The following FCER2 variants were observed in gnomAD, a reference collection of about 807,000 sequenced individuals.
FCER2 encodes Fc epsilon receptor II, also known as low affinity immunoglobulin epsilon Fc receptor.
FCER2 carries 38 observed loss-of-function variants against 49.7 expected under a neutral mutation model. The ratio of observed to expected loss-of-function variants is 0.76; its 90% CI spans 0.59 to 1.00. FCER2 has a LOEUF of 1.00. FCER2 is among the 50% of genes least tolerant of loss of function. The probability of loss-of-function intolerance (pLI) is 0.00; values close to 1 mark genes in which losing one functional copy is unlikely to be tolerated. For synonymous variants in FCER2, 163 were observed against 164.6 expected (o/e 0.99, Z 0.07); for missense variants, 425 against 419.5 (o/e 1.01, Z -0.11).
chr19:7,691,504 C>T, intron 8 of FCER2, among the ~76,000 whole-genome samples: 1 of 151,928 alleles, frequency 6.6e-6, no homozygotes, highest in African/African-American at 2.4e-5. Context: ...TGGCTAGCAA[C>T]ACTTCAATCA....
intron 6 of FCER2, 63 bp from the exon 7 acceptor site, chr19:7,697,138 C>A: frequency 6.2e-7 from 1 of 1,606,984 alleles, no homozygotes; most frequent in Non-Finnish European, 8.5e-7. Flanking sequence ...AGGGTGCCCC[C>A]CAAGCCTGGC....
intron 2 of FCER2, chr19:7,699,450 T>G: frequency 6.8e-7 from 1 of 1,473,918 alleles, no homozygotes. Context: ...CTGACTCTAT[T>G]GGGCTCCCCG....
At chr19:7,701,927 C>T (rs1051254610) in intron 1 of FCER2, 88 bp downstream of exon 1, 1 of 138,308 alleles carries the variant, frequency 7.2e-6, no homozygotes, top group African/African-American at 2.6e-5. Flanking sequence ...TGCTGGTCAT[C>T]CCTTGAGGCT....
At chr19:7,697,446 G>T in intron 5 of FCER2, 81 bp downstream of exon 5, 1 of 1,486,174 alleles carries the variant, frequency 6.7e-7, no homozygotes, top group Middle Eastern at 1.7e-4. Flanking sequence ...GGCACAGTGA[G>T]TCTTAATGCT....
At chr19:7,701,635 A>C (rs1334587495) in intron 1 of FCER2, among the ~76,000 whole-genome samples, 1 of 151,870 alleles carries the variant, frequency 6.6e-6, no homozygotes, top group African/African-American at 2.4e-5. Context: ...CTGGAGACAT[A>C]ATCTCATGGT....
At chr19:7,698,546 C>T (rs1203633788) in intron 3 of FCER2, 137 bp from the exon 4 acceptor site, 9 of 885,930 alleles carry the variant, frequency 1.0e-5, no homozygotes, top group Non-Finnish European at 1.4e-5. Context: ...GACAGGGATG[C>T]TGGGTGTGGG....
chr19:7,690,184 C>G lies in FCER2; in HGVS notation c.703G>C (p.Val235Leu). The G allele has an allele frequency of 1.2e-6, 2 of 1,613,396 alleles. No homozygotes were observed. The highest frequency in any genetic ancestry group is 1.7e-6 in the Non-Finnish European group (2 of 1,179,332). Residue 235 changes from valine (V) to leucine (L), a missense_variant, in exon 10 of 11, where the codon GTG (valine) becomes CTG (leucine). Physicochemically the swap from Val to Leu is conservative, Grantham distance 32. Transcript: ENST00000597921. Reference sequence around the variant, plus strand: ...CTGTAGTCCACGTGGCTCCCATCCACCCAGATAAACTCCCCCTTCAGGTCC... The same window carrying G: ...CTGTAGTCCACGTGGCTCCCATCCAGCCAGATAAACTCCCCCTTCAGGTCC... ...NLDLKGEFIW[V>L]DGSHVDYSNW...
At chr19:7,690,909 G>C (rs72486373) in intron 8 of FCER2, among the ~76,000 whole-genome samples, 14,093 of 151,800 alleles carry the variant, frequency 0.093, 884 homozygotes, top group East Asian at 0.21. Context: ...GTCCAATATG[G>C]TCAACACCAT....
chr19:7,698,417 G>C lies in FCER2; in HGVS notation c.137-8C>G, dbSNP rs367682203. 4.2e-5 allele frequency: 67 copies of C among 1,608,566 alleles called. No individual in the cohort carries two copies. In the African/African-American group the frequency reaches 5.2e-4, roughly 13 times the overall value. Reference sequence around the variant, plus strand: ...TCTGTGTGGTGTCCCAGTCTGGGGAGGGGGAGAGAAGAGGAGTGGAGAGGG... The same window carrying C: ...TCTGTGTGGTGTCCCAGTCTGGGGACGGGGAGAGAAGAGGAGTGGAGAGGG... On this transcript the variant is annotated splice_region_variant and splice_polypyrimidine_tract_variant and intron_variant, in intron 3 of 10. Transcript: ENST00000597921.
intron 3 of FCER2, 141 bp downstream of exon 3, chr19:7,698,600 G>A (rs1295739485): frequency 2.6e-6 from 3 of 1,166,150 alleles, no homozygotes; most frequent in African/African-American, 1.5e-5. Flanking sequence ...GGCTGGCAGT[G>A]GCAAGATGGG....
chr19:7,698,466 C>T, intron 3 of FCER2, 57 bp from the exon 4 acceptor site: 2 of 1,364,678 alleles, frequency 1.5e-6, no homozygotes, highest in Non-Finnish European at 2.1e-6. Context: ...CCCCCACCTG[C>T]CTGCACCCCA....
rs2033040849 is a variant in FCER2, at chr19:7,697,276, C to G, written c.276G>C (p.Leu92=). Residue 92 remains leucine (L), a synonymous_variant, in exon 6 of 11, where the codon CTG becomes CTC. Coordinates refer to ENST00000597921, the MANE Select transcript of FCER2 (RefSeq NM_001220500.2). ...TCTGCTGTTCAGCTCGAAGTTCCTC[C>G]AGTTCCTGTGAAATCTGCGTGGCTG... ...KSQSTQISQE[L]EELRAEQQRL... 6.2e-7 allele frequency: 1 copy of G among 1,614,098 alleles called. No individual in the cohort carries two copies. Among genetic ancestry groups the G allele is most frequent in the South Asian group, 1.1e-5 (1 of 91,090 alleles).
rs2033048707 is a variant in FCER2, at chr19:7,697,517, A to G, written c.253+10T>C. On this transcript the variant is annotated intron_variant, in intron 5 of 10. Transcript: ENST00000597921. ...TTTCCCCTGCAACCCCAACTCCAGG[A>G]GTCACTCACACTGGGATTTCTGCGC... 6.2e-7 allele frequency: 1 copy of G among 1,611,960 alleles called. No homozygotes were observed. Among genetic ancestry groups the G allele is most frequent in the African/African-American group, 1.3e-5 (1 of 74,760 alleles).
intron 8 of FCER2, among the ~76,000 whole-genome samples, chr19:7,692,086 A>G (rs1261095674): frequency 6.6e-6 from 1 of 151,096 alleles, no homozygotes; most frequent in Non-Finnish European, 1.5e-5. Context: ...ATGTCCAACA[A>G]CACATCAACT....
chr19:7,690,498 A>G lies in FCER2; in HGVS notation c.529T>C (p.Phe177Leu). The stretch of plus-strand genomic sequence containing the variant: ...ACCCACTGCTTGGTGCCCTTGCCGA[A>G]GTAGTAGCACTTCCGTTGGAAATTG... ...WINFQRKCYY[F>L]GKGTKQWVHA... Residue 177 changes from phenylalanine (F) to leucine (L), a missense_variant, in exon 9 of 11, where the codon TTC (phenylalanine) becomes CTC (leucine). Transcript: ENST00000597921. 1.2e-6 allele frequency: 2 copies of G among 1,614,138 alleles called. No homozygotes were observed. Among genetic ancestry groups the G allele is most frequent in the Non-Finnish European group, 1.7e-6 (2 of 1,180,002 alleles).
intron 2 of FCER2, 80 bp from the exon 3 acceptor site, chr19:7,698,934 C>T (rs2033091849): frequency 2.8e-6 from 4 of 1,438,350 alleles, no homozygotes; most frequent in Non-Finnish European, 3.8e-6. Context: ...TTACCCAGAG[C>T]CCCCGACAGC....
chr19:7,695,510 T>TCATGC (rs2032986883), intron 8 of FCER2, among the ~76,000 whole-genome samples: 2 of 152,196 alleles, frequency 1.3e-5, no homozygotes, highest in South Asian at 4.1e-4. Context: ...GCAAGATGGC[T>TCATGC]CATGCCTGTA....
Position 7,689,185 on chromosome 19 carries a change from AT to A in FCER2, c.*7del, listed in dbSNP as rs750302014. On this transcript the variant is annotated 3_prime_UTR_variant, in exon 11 of 11. Transcript: ENST00000597921. ...AGGGTCTTGCTCTGGGCCTGGCTGTATCCATGCTCAAGAGTGGAGAGGGGCA... is the reference window on the plus strand; with the variant it reads ...AGGGTCTTGCTCTGGGCCTGGCTGTACCATGCTCAAGAGTGGAGAGGGGCA... 15 of 1,585,226 alleles carry A rather than the reference AT, an allele frequency of 9.5e-6. No individual in the cohort carries two copies. Among genetic ancestry groups the A allele is most frequent in the Non-Finnish European group, 1.3e-5 (15 of 1,154,704 alleles).
intron 2 of FCER2, 64 bp from the exon 3 acceptor site, chr19:7,698,918 T>C: frequency 2.0e-6 from 3 of 1,516,816 alleles, no homozygotes; most frequent in Non-Finnish European, 2.7e-6. Flanking sequence ...CCTGTCCGTC[T>C]CTCCATTACC....
Sources: gnomAD v4.1 joint callset for allele counts (sites outside exome capture counted in the v4.1 genomes callset) on GRCh38, gnomAD v4.1.1 for gene constraint, MANE v1.5 for transcripts, NCBI Gene and HGNC (gene_info 2026-07-23, HGNC 2026-07-21) for gene names.